PDE4D: variants seen among roughly 807,000 people sequenced by gnomAD.
The protein encoded by PDE4D is 3',5'-cyclic-AMP phosphodiesterase 4D.
A neutral mutation model predicts 87.4 loss-of-function variants in PDE4D; 24 were observed. That is an observed-to-expected ratio of 0.27 (90% CI 0.20 to 0.39). PDE4D has a LOEUF of 0.39. Among genes scored for constraint, PDE4D ranks in the 10% least tolerant of loss-of-function variants. The probability of loss-of-function intolerance (pLI) is 1.00; values close to 1 mark genes in which losing one functional copy is unlikely to be tolerated. For synonymous variants in PDE4D, 384 were observed against 383.2 expected (o/e 1.00, Z -0.02); for missense variants, 714 against 1,041.0 (o/e 0.69, Z 4.32).
chr5:59,206,548 A>C (rs2153500245), intron 2 of PDE4D, among the ~76,000 whole-genome samples: 1 of 152,300 alleles, frequency 6.6e-6, no homozygotes, highest in South Asian at 2.1e-4. Context: ...ATTGATGTGT[A>C]AGTGAAAACA....
chr5:58,993,591 G>T, intron 6 of PDE4D, 126 bp from the exon 7 acceptor site: 1 of 570,824 alleles, frequency 1.8e-6, no homozygotes. Context: ...ATTTAGAACA[G>T]TGCCTTCCAG....
intron 1 of PDE4D, among the ~76,000 whole-genome samples, chr5:59,654,605 C>T (rs1297168926): frequency 6.6e-6 from 1 of 152,118 alleles, no homozygotes; most frequent in Non-Finnish European, 1.5e-5. Context: ...AACTGAAATA[C>T]CACACAATCT....
chr5:59,525,426 G>T (rs1812926387), intron 1 of PDE4D, among the ~76,000 whole-genome samples: 1 of 152,204 alleles, frequency 6.6e-6, no homozygotes, highest in Non-Finnish European at 1.5e-5. Context: ...CCCAATACCT[G>T]TGCCTCCACT....
chr5:59,012,430 T>C (rs1375058726), intron 6 of PDE4D, among the ~76,000 whole-genome samples: 9 of 152,022 alleles, frequency 5.9e-5, no homozygotes, highest in African/African-American at 1.5e-4. Context: ...GAGAGACACA[T>C]AGGCTCAAAA....
At chr5:60,423,250 A>C (rs979730730) in intron 1 of PDE4D, among the ~76,000 whole-genome samples, 11 of 152,236 alleles carry the variant, frequency 7.2e-5, no homozygotes, top group African/African-American at 2.7e-4. Flanking sequence ...CATTCTTCTC[A>C]GGACCACATC....
At chr5:59,385,717 C>A (rs1335132141) in intron 1 of PDE4D, among the ~76,000 whole-genome samples, 2 of 152,148 alleles carry the variant, frequency 1.3e-5, no homozygotes. Context: ...AGAGTCCTAA[C>A]CCCTTCCTCT....
intron 1 of PDE4D, among the ~76,000 whole-genome samples, chr5:59,451,820 T>C (rs1038236319): frequency 1.1e-4 from 17 of 152,192 alleles, no homozygotes; most frequent in African/African-American, 4.1e-4. Context: ...AAAACACAAA[T>C]GCCCATGTCA....
chr5:59,932,425 T>A (rs926785627), intron 3 of PDE4D, among the ~76,000 whole-genome samples: 6 of 152,198 alleles, frequency 3.9e-5, no homozygotes, highest in Non-Finnish European at 1.5e-5. Flanking sequence ...ATATGCACCA[T>A]TACATTTAAT....
At chr5:59,274,504 C>G (rs1764436058) in intron 1 of PDE4D, among the ~76,000 whole-genome samples, 1 of 152,008 alleles carries the variant, frequency 6.6e-6, no homozygotes, top group Admixed American at 6.6e-5. Context: ...CTTTTATTTC[C>G]CCAGTGTGAG....
intron 2 of PDE4D, among the ~76,000 whole-genome samples, chr5:59,213,923 TCATCACCATGTACGTA>T (rs779353290): frequency 4.2e-4 from 64 of 152,038 alleles, no homozygotes; most frequent in African/African-American, 1.5e-3. Flanking sequence ...CCTTTGTTCC[TCATCACCATGTACGTA>T]CATCACCATG....
chr5:60,090,911 G>T (rs766487165), intron 2 of PDE4D, among the ~76,000 whole-genome samples: 1 of 151,990 alleles, frequency 6.6e-6, no homozygotes, highest in Non-Finnish European at 1.5e-5. Flanking sequence ...AATCAAGAAA[G>T]TAATCCCATT....
intron 1 of PDE4D, among the ~76,000 whole-genome samples, chr5:60,201,725 A>C (rs1212273586): frequency 6.6e-6 from 1 of 152,226 alleles, no homozygotes; most frequent in East Asian, 1.9e-4. Context: ...ATATAAATAA[A>C]TGTAAATATA....
At chr5:60,345,565 C>A (rs62372002) in intron 1 of PDE4D, among the ~76,000 whole-genome samples, 3 of 134,658 alleles carry the variant, frequency 2.2e-5, no homozygotes, top group African/African-American at 9.7e-5. Context: ...TCTTCCCTCT[C>A]CAAAAAAAAA....
intron 1 of PDE4D, among the ~76,000 whole-genome samples, chr5:60,198,429 AT>A (rs1310336380): frequency 6.6e-6 from 1 of 151,660 alleles, no homozygotes; most frequent in African/African-American, 2.4e-5. Context: ...ATTCCAAAGA[AT>A]TTGGAGTCAA....
chr5:59,790,526 T>A (rs1765664305), intron 1 of PDE4D, among the ~76,000 whole-genome samples: 1 of 152,202 alleles, frequency 6.6e-6, no homozygotes, highest in South Asian at 2.1e-4. Context: ...AGTGAAAATG[T>A]GCTCTGATGC....
rs990861515 is a variant in PDE4D at position 58,973,151 on chromosome 5, G to A, written c.*1513C>T. ...AAACCAAATAGGATTAGTTGTATTG[G>A]TGTTTGTTAATATATTGTTAATATT... On this transcript the variant is annotated 3_prime_UTR_variant, in exon 15 of 15. Transcript: ENST00000340635. 6.6e-6 allele frequency: 1 copy of A among 152,176 alleles called. No homozygotes were observed. The highest frequency in any genetic ancestry group is 1.9e-4 in the East Asian group (1 of 5,188). 9.4% of individuals were successfully genotyped at this position (152,176 alleles called of 1,614,324 possible).
chr5:59,623,267 C>T (rs558757012), intron 1 of PDE4D, among the ~76,000 whole-genome samples: 2 of 152,164 alleles, frequency 1.3e-5, no homozygotes, highest in Non-Finnish European at 1.5e-5. Context: ...GCTGTTCAAT[C>T]GAATTTTCTG....
At chr5:59,121,873 G>T (rs182630872) in intron 5 of PDE4D, among the ~76,000 whole-genome samples, 20 of 152,302 alleles carry the variant, frequency 1.3e-4, no homozygotes, top group African/African-American at 4.8e-4. Flanking sequence ...GCCAGGCACA[G>T]TGGCTTATGC....
chr5:60,460,203 C>T, intron 1 of PDE4D: 1 of 1,511,812 alleles, frequency 6.6e-7, no homozygotes, highest in Non-Finnish European at 9.2e-7. Context: ...ATGAACATTT[C>T]ATCAAATCCT....
Sources: gnomAD v4.1 joint callset for allele counts (sites outside exome capture counted in the v4.1 genomes callset) on GRCh38, gnomAD v4.1.1 for gene constraint, MANE v1.5 for transcripts, NCBI Gene and HGNC (gene_info 2026-07-23, HGNC 2026-07-21) for gene names.